Variants in CDK14 observed in about 807,000 individuals in gnomAD.
CDK14 encodes the protein cyclin-dependent kinase 14.
A neutral mutation model predicts 60.7 loss-of-function variants in CDK14; 34 were observed. The ratio of observed to expected loss-of-function variants is 0.56; its 90% CI spans 0.43 to 0.75. CDK14 has a LOEUF of 0.75. Among genes scored for constraint, CDK14 ranks in the 30% least tolerant of loss-of-function variants. The pLI is 0.00. For missense variants in CDK14, 482 were observed against 564.1 expected, an observed-to-expected ratio of 0.85 and a Z score of 1.47; for synonymous variants, 197 against 203.7, an observed-to-expected ratio of 0.97 and a Z score of 0.28.
intron 13 of CDK14, among the ~76,000 whole-genome samples, chr7:91,116,308 C>T (rs549341919): frequency 6.6e-6 from 1 of 152,312 alleles, no homozygotes; most frequent in African/African-American, 2.4e-5. Context: ...GCCAACAAAT[C>T]GGTACAGTGT....
intron 5 of CDK14, among the ~76,000 whole-genome samples, chr7:90,840,776 A>G (rs1332285390): frequency 6.6e-6 from 1 of 152,174 alleles, no homozygotes; most frequent in Non-Finnish European, 1.5e-5. Flanking sequence ...TTTTACCTTT[A>G]CAATAGAAGG....
intron 3 of CDK14, among the ~76,000 whole-genome samples, chr7:90,744,307 C>T (rs1435661256): frequency 6.6e-6 from 1 of 152,152 alleles, no homozygotes; most frequent in Admixed American, 6.5e-5. Context: ...GCACATGTTT[C>T]AGAGAGCACA....
chr7:90,715,342 G>A (rs1263698054), intron 2 of CDK14, among the ~76,000 whole-genome samples: 1 of 152,068 alleles, frequency 6.6e-6, no homozygotes, highest in Non-Finnish European at 1.5e-5. Flanking sequence ...AAGCATATGT[G>A]TGTATAGGTA....
intron 5 of CDK14, among the ~76,000 whole-genome samples, chr7:90,812,060 G>A (rs988602258): frequency 3.3e-5 from 5 of 152,094 alleles, no homozygotes; most frequent in South Asian, 2.1e-4. Context: ...TCAGTGTGGC[G>A]ATTCCTCAGG....
At chr7:90,918,730 A>C (rs1354271401) in intron 8 of CDK14, among the ~76,000 whole-genome samples, 1 of 152,162 alleles carries the variant, frequency 6.6e-6, no homozygotes, top group Admixed American at 6.5e-5. Flanking sequence ...CTGAAATATG[A>C]TTATCTTTTT....
rs572016502 is a variant in CDK14, at chr7:90,880,455, G to C, written c.639+17186G>C. 1.2e-4 allele frequency among the ~76,000 whole-genome samples: 18 copies of C among 152,268 alleles called. No homozygotes were observed. In the South Asian group the frequency reaches 1.9e-3, roughly 16 times the overall value. On this transcript the variant is annotated intron_variant, in intron 6 of 14. Coordinates refer to ENST00000380050, the MANE Select transcript of CDK14 (RefSeq NM_001287135.2). ...GATCTCCCTGGACCTGAAACCCTAG[G>C]GGGAGGAGTGGCCGCAGTCTCTGCG...
chr7:90,652,953 A>G (rs950505633), intron 2 of CDK14, among the ~76,000 whole-genome samples: 22 of 152,090 alleles, frequency 1.4e-4, no homozygotes, highest in East Asian at 1.9e-4. Context: ...GATATCTTGT[A>G]TTTGCTCCCC....
intron 4 of CDK14, among the ~76,000 whole-genome samples, chr7:90,750,066 G>A (rs772233502): frequency 1.5e-4 from 23 of 151,320 alleles, no homozygotes; most frequent in Non-Finnish European, 2.5e-4. Context: ...AAATGCATAG[G>A]GCTATAGAAG....
chr7:90,598,349 T>C (rs1799239232), intron 1 of CDK14, among the ~76,000 whole-genome samples: 2 of 152,226 alleles, frequency 1.3e-5, no homozygotes. Context: ...GTATTATAGT[T>C]AATTGGATTT....
chr7:90,748,010 C>T (rs898287069), intron 4 of CDK14, among the ~76,000 whole-genome samples: 21 of 151,356 alleles, frequency 1.4e-4, no homozygotes, highest in African/African-American at 4.9e-4. Flanking sequence ...TGCGCCTCCC[C>T]ACAACACTGC....
At chr7:91,134,915 G>T (rs564850291) in intron 14 of CDK14, among the ~76,000 whole-genome samples, 1 of 151,948 alleles carries the variant, frequency 6.6e-6, no homozygotes, top group Admixed American at 6.6e-5. Flanking sequence ...TTTTTGTTGT[G>T]TGTATATACA....
intron 2 of CDK14, among the ~76,000 whole-genome samples, chr7:90,689,909 A>G (rs1212554822): frequency 6.6e-6 from 1 of 152,222 alleles, no homozygotes; most frequent in Non-Finnish European, 1.5e-5. Flanking sequence ...TTCTTTGATG[A>G]TATAACAGGA....
At chr7:90,806,936 G>C (rs1302445447) in intron 5 of CDK14, among the ~76,000 whole-genome samples, 1 of 152,226 alleles carries the variant, frequency 6.6e-6, no homozygotes, top group African/African-American at 2.4e-5. Context: ...ACCCGCCATT[G>C]CCCAGGCTTG....
intron 11 of CDK14, among the ~76,000 whole-genome samples, chr7:91,061,633 C>T (rs1280804631): frequency 2.0e-5 from 3 of 152,210 alleles, no homozygotes; most frequent in East Asian, 1.9e-4. Flanking sequence ...GGACCCTCAG[C>T]TGCAGGTCTG....
intron 6 of CDK14, among the ~76,000 whole-genome samples, chr7:90,897,100 A>G (rs922376774): frequency 7.9e-5 from 12 of 152,170 alleles, no homozygotes; most frequent in East Asian, 7.7e-4. Context: ...ATGTTTGTCA[A>G]TTTTTGCTTT....
At chr7:90,603,477 A>G (rs916850302) in intron 1 of CDK14, among the ~76,000 whole-genome samples, 11 of 152,204 alleles carry the variant, frequency 7.2e-5, no homozygotes, top group African/African-American at 2.7e-4. Flanking sequence ...AATAGGCTAT[A>G]CCATATAGCC....
chr7:90,844,207 AC>A (rs1346837541), intron 5 of CDK14, among the ~76,000 whole-genome samples: 1 of 152,206 alleles, frequency 6.6e-6, no homozygotes, highest in Admixed American at 6.6e-5. Context: ...GAGGGAGGTG[AC>A]CTGTGGAAGT....
chr7:91,171,458 G>C (rs1200400415), intron 14 of CDK14, among the ~76,000 whole-genome samples: 1 of 152,144 alleles, frequency 6.6e-6, no homozygotes, highest in Non-Finnish European at 1.5e-5. Flanking sequence ...GCTTTTATTA[G>C]TATGTAGAAT....
intron 2 of CDK14, among the ~76,000 whole-genome samples, chr7:90,680,834 A>G (rs1801299960): frequency 6.6e-6 from 1 of 152,212 alleles, no homozygotes; most frequent in Admixed American, 6.5e-5. Flanking sequence ...CATTGTGATC[A>G]CAAATTAGAA....
Sources: allele counts gnomAD v4.1 joint callset (sites outside exome capture counted in the v4.1 genomes callset), GRCh38; gene constraint gnomAD v4.1.1; transcripts MANE v1.5; gene names NCBI Gene and HGNC (gene_info 2026-07-23, HGNC 2026-07-21).